The following LYPLA1 variants were observed in gnomAD, a reference collection of about 807,000 sequenced individuals.
LYPLA1 encodes the protein lysophospholipase 1, also known as acyl-protein thioesterase 1.
A neutral mutation model predicts 34.0 loss-of-function variants in LYPLA1; 17 were observed. The ratio of observed to expected loss-of-function variants is 0.50; its 90% CI spans 0.34 to 0.75. LYPLA1 has a LOEUF of 0.75. Among genes scored for constraint, LYPLA1 ranks in the 30% least tolerant of loss-of-function variants. The probability of loss-of-function intolerance (pLI) is 0.01; values close to 1 mark genes in which losing one functional copy is unlikely to be tolerated. For synonymous variants in LYPLA1, 98 were observed against 100.8 expected, an observed-to-expected ratio of 0.97 and a Z score of 0.17; for missense variants, 203 against 288.8, an observed-to-expected ratio of 0.70 and a Z score of 2.15.
At chr8:54,098,640 C>T (rs1809871414) in intron 2 of LYPLA1, among the ~76,000 whole-genome samples, 1 of 152,218 alleles carries the variant, frequency 6.6e-6, no homozygotes, top group African/African-American at 2.4e-5. Flanking sequence ...GAGATCGTGC[C>T]ACTGCACTCC....
At chr8:54,057,614 T>TGTGTTTTGTGG (rs1438390797) in intron 5 of LYPLA1, among the ~76,000 whole-genome samples, 1 of 152,092 alleles carries the variant, frequency 6.6e-6, no homozygotes, top group Non-Finnish European at 1.5e-5. Flanking sequence ...TAAAACTAAC[T>TGTGTTTTGTGG]GAACTAACAG....
intron 2 of LYPLA1, among the ~76,000 whole-genome samples, chr8:54,072,411 T>C (rs566763369): frequency 8.5e-5 from 13 of 152,190 alleles, no homozygotes; most frequent in South Asian, 4.1e-4. Flanking sequence ...TAAGGAGCTA[T>C]TGCACAGCAA....
Position 54,065,755 on chromosome 8 carries a change from G to C in LYPLA1, c.160C>G (p.Pro54Ala), listed in dbSNP as rs1807016285. 1 of 1,613,336 alleles carries C rather than the reference G, an allele frequency of 6.2e-7. No homozygotes were observed. Among genetic ancestry groups the C allele is most frequent in the Non-Finnish European group, 8.5e-7 (1 of 1,179,606 alleles). The change falls in exon 3 of 9, where the codon CCG (proline) becomes GCG (alanine). Residue 54 changes from proline to alanine, a missense_variant. Pro to Ala is a conservative substitution (Grantham distance 27). Coordinates refer to ENST00000316963, the MANE Select transcript of LYPLA1 (RefSeq NM_006330.4). Reference sequence around the variant, plus strand: ...AAGATCAGAAATACTCACGCATGCGGGCAGATATATTTGATATGTGAACTT... The same window carrying C: ...AAGATCAGAAATACTCACGCATGCGCGCAGATATATTTGATATGTGAACTT... ...IRSSHIKYIC[P>A]HAPVRPVTLN...
At chr8:54,052,903 C>CA (rs1401437621) in intron 6 of LYPLA1, 147 bp from the exon 7 acceptor site, 13 of 601,886 alleles carry the variant, frequency 2.2e-5, no homozygotes, top group Non-Finnish European at 3.9e-5. Flanking sequence ...GAAATACAAA[C>CA]ACACCCCACC....
At chr8:54,075,206 C>G (rs1362670329) in intron 2 of LYPLA1, among the ~76,000 whole-genome samples, 1 of 152,224 alleles carries the variant, frequency 6.6e-6, no homozygotes, top group South Asian at 2.1e-4. Flanking sequence ...AGCAGCTGAA[C>G]AGCATCTACA....
intron 1 of LYPLA1, 98 bp downstream of exon 1, chr8:54,101,657 G>A (rs1810168131): frequency 1.7e-6 from 2 of 1,163,368 alleles, no homozygotes; most frequent in Non-Finnish European, 2.1e-6. Context: ...GTCCTCGTCC[G>A]CAGGCCGCCA....
rs1228218732 is a variant in LYPLA1 at position 54,101,926 on chromosome 8, G to T, written c.-103C>A. 1 of 566,936 alleles carries T rather than the reference G, an allele frequency of 1.8e-6. No homozygotes were observed. Among genetic ancestry groups the T allele is most frequent in the Non-Finnish European group, 2.4e-6 (1 of 415,854 alleles). 35.1% of individuals were successfully genotyped at this position (566,936 alleles called of 1,614,324 possible). On this transcript the variant is annotated 5_prime_UTR_variant, in exon 1 of 9. Coordinates refer to ENST00000316963, the MANE Select transcript of LYPLA1 (RefSeq NM_006330.4). ...TCCCGGCCGGCCCCACCGGGCGCAC[G>T]CTCAGGCGCGTGCGCGCCAACGCGG...
In LYPLA1 at chr8:54,048,062, A is replaced by ACGT; in HGVS notation, c.693_*2dup. The ACGT allele has an allele frequency of 6.2e-7, 1 of 1,601,632 alleles. No individual in the cohort carries two copies. The highest frequency in any genetic ancestry group is 8.6e-7 in the Non-Finnish European group (1 of 1,169,154). On this transcript the variant is annotated 3_prime_UTR_variant, in exon 9 of 9. Coordinates refer to ENST00000316963, the MANE Select transcript of LYPLA1 (RefSeq NM_006330.4). ...TACTTCTACACAAGGCCTCTTAGTG[A>ACGT]CGTCAATCAATTGGAGGTAGGAGTT...
intron 2 of LYPLA1, among the ~76,000 whole-genome samples, chr8:54,070,579 CAG>C (rs1156999769): frequency 6.6e-6 from 1 of 152,052 alleles, no homozygotes; most frequent in Non-Finnish European, 1.5e-5. Context: ...AAAAATTAGC[CAG>C]GCTTGATGGC....
chr8:54,067,432 T>C (rs1338828745), intron 2 of LYPLA1, among the ~76,000 whole-genome samples: 7 of 152,322 alleles, frequency 4.6e-5, no homozygotes, highest in East Asian at 1.9e-4. Context: ...CATGGAATAA[T>C]TGAAAAATTA....
In LYPLA1 at chr8:54,046,404, A is replaced by G. The variant is rs1299409367; in HGVS notation, c.*1661T>C. 2 of 152,650 alleles carry G rather than the reference A, an allele frequency of 1.3e-5. No homozygotes were observed. Among genetic ancestry groups the G allele is most frequent in the African/African-American group, 4.8e-5 (2 of 41,464 alleles). 9.5% of individuals were successfully genotyped at this position (152,650 alleles called of 1,614,324 possible). On this transcript the variant is annotated 3_prime_UTR_variant, in exon 9 of 9. Transcript: ENST00000316963. ...CAGAATTAAATTTTATTTCACATTG[A>G]TAGAAACCATGAAAAACATTTACAC...
chr8:54,081,048 C>T (rs1370986663), intron 2 of LYPLA1, among the ~76,000 whole-genome samples: 1 of 152,154 alleles, frequency 6.6e-6, no homozygotes, highest in African/African-American at 2.4e-5. Flanking sequence ...CTGGAGTTCA[C>T]ACAGAAAAGT....
Position 54,073,477 on chromosome 8 carries a change from T to A in LYPLA1, c.102-7664A>T, listed in dbSNP as rs1005209720. On this transcript the variant is annotated intron_variant, in intron 2 of 8. Coordinates refer to ENST00000316963, the MANE Select transcript of LYPLA1 (RefSeq NM_006330.4). ...TGTGATGGCCTTGTGATGTATGGCA[T>A]CTCATAGCTTCCAGGACTCCAGAAC... 10 of 758,696 alleles carry A rather than the reference T, an allele frequency of 1.3e-5. No individual in the cohort carries two copies. The East Asian group carries it at 2.5e-4, about 19-fold the overall frequency. The allele number at this position is 758,696 out of a possible 1,614,324, so 47.0% of individuals were successfully genotyped here. A position where few individuals can be genotyped will look rare whatever the true frequency, so the allele number is the denominator to read the frequency against.
At chr8:54,072,987 G>T in intron 2 of LYPLA1, 1 of 365,914 alleles carries the variant, frequency 2.7e-6, no homozygotes, top group East Asian at 6.1e-5. Context: ...ATGAAAACAT[G>T]CTCAAGATCA....
At chr8:54,080,337 A>G (rs907137360) in intron 2 of LYPLA1, among the ~76,000 whole-genome samples, 3 of 152,210 alleles carry the variant, frequency 2.0e-5, no homozygotes, top group East Asian at 3.8e-4. Context: ...AGCCTGGGCA[A>G]CAAAGCAAGA....
chr8:54,098,891 C>T (rs1209507194), intron 2 of LYPLA1, among the ~76,000 whole-genome samples: 5 of 152,146 alleles, frequency 3.3e-5, no homozygotes, highest in Non-Finnish European at 5.9e-5. Context: ...TTTCATCATG[C>T]ACTCATGGAA....
chr8:54,097,738 C>T (rs1047111074), intron 2 of LYPLA1, among the ~76,000 whole-genome samples: 9 of 152,162 alleles, frequency 5.9e-5, no homozygotes, highest in Non-Finnish European at 1.3e-4. Context: ...TAGTGGATGC[C>T]TGAATCCATG....
At chr8:54,089,043 T>G (rs986490530) in intron 2 of LYPLA1, among the ~76,000 whole-genome samples, 4 of 152,200 alleles carry the variant, frequency 2.6e-5, no homozygotes, top group Non-Finnish European at 5.9e-5. Context: ...CAGAAAAAGA[T>G]AGTGGTTGCC....
At chr8:54,080,050 G>C (rs111381248) in intron 2 of LYPLA1, among the ~76,000 whole-genome samples, 3,227 of 152,136 alleles carry the variant, frequency 0.021, 53 homozygotes, top group African/African-American at 0.031. Context: ...GCTAATTATA[G>C]TTTTGGGACT....
Sources: gnomAD v4.1 joint callset for allele counts (sites outside exome capture counted in the v4.1 genomes callset) on GRCh38, gnomAD v4.1.1 for gene constraint, MANE v1.5 for transcripts, NCBI Gene and HGNC (gene_info 2026-07-23, HGNC 2026-07-21) for gene names.